UGT1A10: variants seen among roughly 807,000 people sequenced by gnomAD.
UGT1A10 encodes the protein UDP glucuronosyltransferase family 1 member A10.
A neutral mutation model predicts 45.8 loss-of-function variants in UGT1A10; 49 were observed. The observed-to-expected ratio is 1.07, with a 90% CI of 0.85 to 1.36. The LOEUF (loss-of-function observed/expected upper bound fraction) is 1.36, where lower values mean the gene tolerates loss of function less well. Ranked by LOEUF, UGT1A10 falls within the 40% of genes most tolerant of loss-of-function variation. UGT1A10 has a pLI of 0.00. For synonymous variants in UGT1A10, 284 were observed against 249.7 expected, an observed-to-expected ratio of 1.14 and a Z score of -1.29; for missense variants, 745 against 668.6, an observed-to-expected ratio of 1.11 and a Z score of -1.26.
chr2:233,696,615 T>G (rs2075352181), intron 1 of UGT1A10, among the ~76,000 whole-genome samples: 1 of 152,234 alleles, frequency 6.6e-6, no homozygotes, highest in Non-Finnish European at 1.5e-5. Flanking sequence ...CCTTTCTTTC[T>G]TTCTTTCTCT....
At chr2:233,740,865 T>C (rs1159264843) in intron 1 of UGT1A10, 1 of 151,874 alleles carries the variant, frequency 6.6e-6, no homozygotes, top group Admixed American at 6.5e-5. Flanking sequence ...AAAAATTCTT[T>C]AAATAAAATG....
intron 1 of UGT1A10, among the ~76,000 whole-genome samples, chr2:233,702,488 T>C (rs964835530): frequency 6.6e-6 from 1 of 152,186 alleles, no homozygotes; most frequent in Non-Finnish European, 1.5e-5. Flanking sequence ...CTTGAACCTC[T>C]AGTACCGTGT....
intron 1 of UGT1A10, chr2:233,693,086 A>G (rs571652417): frequency 6.2e-7 from 1 of 1,614,176 alleles, no homozygotes; most frequent in South Asian, 1.1e-5. Flanking sequence ...TGTAGGTGAC[A>G]AGCTGCTGGT....
chr2:233,760,963 G>A (rs761943511), intron 1 of UGT1A10: 5 of 1,614,162 alleles, frequency 3.1e-6, no homozygotes, highest in African/African-American at 1.3e-5. Flanking sequence ...GTGCGACGTG[G>A]TTTATTCCCC....
chr2:233,751,212 G>A (rs1434811842), intron 1 of UGT1A10, among the ~76,000 whole-genome samples: 1 of 151,972 alleles, frequency 6.6e-6, no homozygotes, highest in Non-Finnish European at 1.5e-5. Context: ...GGAGCTTTAA[G>A]ATTTAATGAC....
At chr2:233,714,600 T>C (rs1271124758) in intron 1 of UGT1A10, among the ~76,000 whole-genome samples, 1 of 152,252 alleles carries the variant, frequency 6.6e-6, no homozygotes, top group East Asian at 1.9e-4. Flanking sequence ...CTAGTGGGCA[T>C]GTTAAACACC....
At chr2:233,767,292 T>C in intron 2 of UGT1A10, 127 bp downstream of exon 2, 1 of 1,553,044 alleles carries the variant, frequency 6.4e-7, no homozygotes, top group South Asian at 1.2e-5. Context: ...ACTTCCCAAC[T>C]ATTAATCCAA....
At chr2:233,711,526 C>T (rs1484293878) in intron 1 of UGT1A10, among the ~76,000 whole-genome samples, 1 of 152,234 alleles carries the variant, frequency 6.6e-6, no homozygotes, top group Non-Finnish European at 1.5e-5. Flanking sequence ...GTCCTCACAA[C>T]TCCCCGGGAA....
chr2:233,715,885 C>G (rs1236861095), intron 1 of UGT1A10, among the ~76,000 whole-genome samples: 4 of 152,204 alleles, frequency 2.6e-5, no homozygotes, highest in African/African-American at 7.2e-5. Flanking sequence ...GTGGCCCCAG[C>G]TACTTGGGAG....
chr2:233,682,668 T>C (rs1489706860), intron 1 of UGT1A10: 4 of 1,613,820 alleles, frequency 2.5e-6, no homozygotes, highest in Non-Finnish European at 2.5e-6. Context: ...GCATATGATC[T>C]CTACAGCCAC....
At chr2:233,760,317 A>G (rs772038779) in intron 1 of UGT1A10, 2 of 1,613,898 alleles carry the variant, frequency 1.2e-6, no homozygotes, top group African/African-American at 2.7e-5. Context: ...GCGGACGCCC[A>G]CTTGTCCTGG....
In UGT1A10 at chr2:233,756,140, C is replaced by T. The variant is rs565288729; in HGVS notation, c.856-10894C>T. 16 of 152,332 alleles carry T rather than the reference C, an allele frequency of 1.1e-4. No homozygotes were observed. The East Asian group carries it at 1.3e-3, about 13-fold the overall frequency. 9.4% of individuals were successfully genotyped at this position (152,332 alleles called of 1,614,324 possible). On this transcript the variant is annotated intron_variant, in intron 1 of 4. Coordinates refer to ENST00000344644, the MANE Select transcript of UGT1A10 (RefSeq NM_019075.4). ...TTTGTAAAATTCTCCTGAAAAATTA[C>T]TGGGGATCCCTAGGATTTCCTGGCT...
At chr2:233,671,099 C>T (rs1362478164) in intron 1 of UGT1A10, among the ~76,000 whole-genome samples, 1 of 152,166 alleles carries the variant, frequency 6.6e-6, no homozygotes, top group African/African-American at 2.4e-5. Context: ...TCACCTCTGA[C>T]CTCAAGGAGT....
intron 1 of UGT1A10, among the ~76,000 whole-genome samples, chr2:233,663,788 G>A (rs17862853): frequency 3.7e-3 from 558 of 152,298 alleles, no homozygotes; most frequent in Non-Finnish European, 5.0e-3. Context: ...AAGCAAGATG[G>A]AGTCAGTTAA....
chr2:233,706,787 C>A (rs2075924300), intron 1 of UGT1A10, among the ~76,000 whole-genome samples: 2 of 152,154 alleles, frequency 1.3e-5, no homozygotes, highest in South Asian at 4.1e-4. Context: ...GAGAGAAATA[C>A]CATGCACCAA....
intron 1 of UGT1A10, among the ~76,000 whole-genome samples, chr2:233,736,167 C>T (rs1159152421): frequency 6.6e-6 from 1 of 152,232 alleles, no homozygotes; most frequent in Non-Finnish European, 1.5e-5. Context: ...TAGATTTGGT[C>T]TTTCCACATA....
intron 1 of UGT1A10, among the ~76,000 whole-genome samples, chr2:233,665,161 A>G (rs2074047326): frequency 1.3e-5 from 2 of 152,352 alleles, no homozygotes; most frequent in Admixed American, 6.5e-5. Context: ...TTCATTTGCC[A>G]ATAAATTATA....
chr2:233,736,156 G>A (rs1226019844), intron 1 of UGT1A10, among the ~76,000 whole-genome samples: 4 of 152,192 alleles, frequency 2.6e-5, no homozygotes, highest in East Asian at 1.9e-4. Context: ...CCAGTCAAAC[G>A]TAGATTTGGT....
chr2:233,713,012 T>A lies in UGT1A10; in HGVS notation c.856-54022T>A, dbSNP rs748010470. The A allele has an allele frequency of 6.2e-6, 10 of 1,613,498 alleles. No individual in the cohort carries two copies. In the Admixed American group the frequency reaches 1.5e-4, roughly 24 times the overall value. ...CTGAGATGGCCACAGGACTCCAGGT[T>A]CCCCTGCCGCAGCTGGCCACAGGAC... On this transcript the variant is annotated intron_variant, in intron 1 of 4. Transcript: ENST00000344644.
Sources: allele counts gnomAD v4.1 joint callset (sites outside exome capture counted in the v4.1 genomes callset), GRCh38; gene constraint gnomAD v4.1.1; transcripts MANE v1.5; gene names NCBI Gene and HGNC (gene_info 2026-07-23, HGNC 2026-07-21).